ZNF469: variants seen among roughly 807,000 people sequenced by gnomAD.
ZNF469 encodes the protein zinc finger protein 469.
ZNF469 carries 1 observed loss-of-function variant against 1.0 expected under a neutral mutation model. The ratio of observed to expected loss-of-function variants is 1.00; its 90% confidence interval spans 0.35 to 4.73. The LOEUF is 4.73. Among genes scored for constraint, ZNF469 ranks in the 30% most tolerant of loss-of-function variants. ZNF469 has a pLI of 0.16. For missense variants in ZNF469, 6,100 were observed against 5,356.3 expected, an observed-to-expected ratio of 1.14 and a Z score of -4.33; for synonymous variants, 2,703 against 2,363.4, an observed-to-expected ratio of 1.14 and a Z score of -4.17.
chr16:88,128,840 G>A, the ZNF469 span, among the ~76,000 whole-genome samples: 1 of 152,246 alleles, frequency 6.6e-6, no homozygotes, highest in Non-Finnish European at 1.5e-5. Context: ...GGGAGGATCT[G>A]ACAGGCAGGC....
chr16:88,264,317 C>A, the ZNF469 span, among the ~76,000 whole-genome samples: 2 of 152,114 alleles, frequency 1.3e-5, no homozygotes, highest in East Asian at 3.9e-4. Context: ...AGCTCAACTC[C>A]CACGTATTCC....
chr16:88,113,771 G>C, the ZNF469 span, among the ~76,000 whole-genome samples: 5 of 152,162 alleles, frequency 3.3e-5, no homozygotes, highest in African/African-American at 1.2e-4. Flanking sequence ...TAATTTCACC[G>C]ACACGGCTGG....
chr16:88,305,424 G>A, the ZNF469 span, among the ~76,000 whole-genome samples: 37 of 102,256 alleles, frequency 3.6e-4, no homozygotes, highest in East Asian at 4.3e-3. Context: ...ACACATGCAC[G>A]CCCTCACACA....
At chr16:88,218,159 T>C in the ZNF469 span, among the ~76,000 whole-genome samples, 2 of 146,892 alleles carry the variant, frequency 1.4e-5, no homozygotes, top group African/African-American at 5.0e-5. Flanking sequence ...TGGTATCTCA[T>C]TGTGGTTTTG....
chr16:88,386,941 G>A (rs1026961679), intron 1 of ZNF469, among the ~76,000 whole-genome samples: 1 of 152,208 alleles, frequency 6.6e-6, no homozygotes, highest in Non-Finnish European at 1.5e-5. Flanking sequence ...GGCAGATGCT[G>A]TCCTCAGGGA....
chr16:88,376,357 CG>C, the ZNF469 span, among the ~76,000 whole-genome samples: 1 of 152,374 alleles, frequency 6.6e-6, no homozygotes, highest in Admixed American at 6.5e-5. Context: ...TTCACACAGC[CG>C]GGCCCGGTGT....
At chr16:88,281,232 G>A in the ZNF469 span, among the ~76,000 whole-genome samples, 2 of 134,844 alleles carry the variant, frequency 1.5e-5, no homozygotes, top group African/African-American at 5.1e-5. Context: ...GCACGGGTTA[G>A]TGCTGTGCCA....
chr16:88,108,107 G>T, the ZNF469 span, among the ~76,000 whole-genome samples: 1 of 137,220 alleles, frequency 7.3e-6, no homozygotes, highest in Admixed American at 7.9e-5. Flanking sequence ...GCACGTCTGT[G>T]GGGATGTGGG....
the ZNF469 span, among the ~76,000 whole-genome samples, chr16:88,141,688 G>T: frequency 9.8e-5 from 15 of 152,358 alleles, no homozygotes; most frequent in Admixed American, 4.6e-4. Context: ...GTGGCCCAAG[G>T]TCATCACGGG....
chr16:88,419,598 C>T (rs1464542522), intron 1 of ZNF469, among the ~76,000 whole-genome samples: 3 of 152,168 alleles, frequency 2.0e-5, no homozygotes, highest in African/African-American at 7.2e-5. Context: ...CTCCCTAACC[C>T]CCGGCAGCCT....
chr16:88,200,039 C>T, the ZNF469 span, among the ~76,000 whole-genome samples: 4 of 152,334 alleles, frequency 2.6e-5, no homozygotes, highest in Non-Finnish European at 4.4e-5. Flanking sequence ...CTCCCACCCC[C>T]GGCTTTGGGA....
At chr16:88,135,753 T>TTA in the ZNF469 span, among the ~76,000 whole-genome samples, 3 of 29,700 alleles carry the variant, frequency 1.0e-4, 1 homozygote, top group South Asian at 2.0e-3. Flanking sequence ...GCCATGTTTT[T>TTA]TTTTTTTTTT....
chr16:88,138,162 G>C, the ZNF469 span, among the ~76,000 whole-genome samples: 5 of 152,162 alleles, frequency 3.3e-5, no homozygotes, highest in African/African-American at 1.2e-4. Flanking sequence ...GGACTCTTTT[G>C]GCATCCAAGA....
chr16:88,268,881 C>T, the ZNF469 span, among the ~76,000 whole-genome samples: 1 of 152,230 alleles, frequency 6.6e-6, no homozygotes, highest in Admixed American at 6.5e-5. Context: ...AGGTCACCTC[C>T]CCTCTGTGAG....
the ZNF469 span, among the ~76,000 whole-genome samples, chr16:88,310,617 C>T: frequency 7.9e-5 from 12 of 151,032 alleles, no homozygotes; most frequent in African/African-American, 1.7e-4. Context: ...GAGTCTCGCT[C>T]TGTTGCCCAG....
At chr16:88,394,502 C>T (rs1278581656) in intron 1 of ZNF469, among the ~76,000 whole-genome samples, 1 of 152,228 alleles carries the variant, frequency 6.6e-6, no homozygotes, top group East Asian at 1.9e-4. Flanking sequence ...TGGACTCAGT[C>T]TTTGAAGGTG....
the ZNF469 span, among the ~76,000 whole-genome samples, chr16:88,376,948 A>G: frequency 6.6e-6 from 1 of 152,176 alleles, no homozygotes; most frequent in African/African-American, 2.4e-5. Flanking sequence ...CTACTGGGTA[A>G]AGCAGGGAGG....
At chr16:88,207,742 C>T in the ZNF469 span, among the ~76,000 whole-genome samples, 6,025 of 117,952 alleles carry the variant, frequency 0.051, 306 homozygotes, top group Middle Eastern at 0.12. Flanking sequence ...CGCTCCCGTC[C>T]CCACCTTAAT....
the ZNF469 span, among the ~76,000 whole-genome samples, chr16:88,158,221 G>A: frequency 6.6e-6 from 1 of 151,934 alleles, no homozygotes; most frequent in African/African-American, 2.4e-5. Flanking sequence ...GGCAGCCTCT[G>A]GGCCACACAG....
Sources: gnomAD v4.1 joint callset for allele counts (sites outside exome capture counted in the v4.1 genomes callset) on GRCh38, gnomAD v4.1.1 for gene constraint, MANE v1.5 for transcripts, NCBI Gene and HGNC (gene_info 2026-07-23, HGNC 2026-07-21) for gene names.